The following ZNF648 variants were observed in gnomAD, a reference collection of about 807,000 sequenced individuals.
ZNF648 encodes the protein zinc finger protein 648.
ZNF648 carries 1 observed loss-of-function variant against 0.3 expected under a neutral mutation model. The observed-to-expected ratio is 3.90, with a 90% CI of 1.39 to 18.51. The LOEUF (loss-of-function observed/expected upper bound fraction) is 18.51. ZNF648 is among the 30% of genes most tolerant of loss of function. The pLI, the probability that ZNF648 is intolerant of heterozygous loss-of-function variation, is 0.11. For synonymous variants in ZNF648, 376 were observed against 326.8 expected, an observed-to-expected ratio of 1.15 and a Z score of -1.62; for missense variants, 874 against 769.7, an observed-to-expected ratio of 1.14 and a Z score of -1.60.
the ZNF648 span, chr1:182,069,162 T>A: frequency 1.3e-5 from 2 of 152,088 alleles, no homozygotes; most frequent in African/African-American, 4.8e-5. Context: ...ACATTGCCGC[T>A]GGGAGCCTGG....
Position 182,056,150 on chromosome 1 carries a change from G to A in ZNF648, c.*154C>T. The A allele has an allele frequency of 2.8e-6, 3 of 1,077,102 alleles. No individual in the cohort carries two copies. Among genetic ancestry groups the A allele is most frequent in the South Asian group, 1.7e-5 (1 of 59,548 alleles). 66.7% of individuals were successfully genotyped at this position (1,077,102 alleles called of 1,614,324 possible). The stretch of plus-strand genomic sequence containing the variant: ...CACCCACCTGGGTGCTCTCTCGGTG[G>A]TGACTTTCTGTTCAAGGGATCAAAT... On this transcript the variant is annotated 3_prime_UTR_variant, in exon 2 of 2. Coordinates refer to ENST00000339948, the MANE Select transcript of ZNF648 (RefSeq NM_001009992.1).
intron 1 of ZNF648, among the ~76,000 whole-genome samples, chr1:182,060,020 G>C (rs1004310329): frequency 6.6e-6 from 1 of 152,186 alleles, no homozygotes; most frequent in Non-Finnish European, 1.5e-5. Context: ...CTGGGGCTGG[G>C]CTCTGCCCAA....
the ZNF648 span, among the ~76,000 whole-genome samples, chr1:182,067,256 C>T: frequency 6.6e-6 from 1 of 152,218 alleles, no homozygotes; most frequent in South Asian, 2.1e-4. Flanking sequence ...CAGGCTCTGA[C>T]ATCAGGCTAC....
At chr1:182,069,593 T>C in the ZNF648 span, among the ~76,000 whole-genome samples, 18,829 of 152,066 alleles carry the variant, frequency 0.12, 1,311 homozygotes, top group East Asian at 0.28. Flanking sequence ...GTCTATTCTT[T>C]GAAAAGACCA....
chr1:182,065,125 A>T (rs1571282776), upstream of ZNF648, among the ~76,000 whole-genome samples: 1 of 152,236 alleles, frequency 6.6e-6, no homozygotes, highest in Non-Finnish European at 1.5e-5. Context: ...AGGCAGCTTA[A>T]GGGCCACAGC....
Position 182,057,539 on chromosome 1 carries a change from C to T in ZNF648, c.472G>A (p.Asp158Asn). The change falls in exon 2 of 2, where the codon GAC becomes AAC. Residue 158 changes from aspartate (D) to asparagine (N), a missense_variant. Transcript: ENST00000339948. ...GDDGYSGANQ[D>N]AVLDVPPSFP... ...CTGGGTGGGACATCCAAGACTGCGT[C>T]CTGGTTTGCCCCCGAGTATCCATCA... is the stretch of plus-strand genomic sequence containing the variant. The T allele has an allele frequency of 6.2e-7, 1 of 1,614,244 alleles. No individual in the cohort carries two copies. The highest frequency in any genetic ancestry group is 8.5e-7 in the Non-Finnish European group (1 of 1,180,048).
chr1:182,056,024 C>A lies in ZNF648; in HGVS notation c.*280G>T, dbSNP rs889228118. On this transcript the variant is annotated 3_prime_UTR_variant, in exon 2 of 2. Coordinates refer to ENST00000339948, the MANE Select transcript of ZNF648 (RefSeq NM_001009992.1). ...AGCAGTTTCTGATTGATTCAGGTTC[C>A]CCAACCCAAGGAACTCAACGTTTGA... 7 of 426,118 alleles carry A rather than the reference C, an allele frequency of 1.6e-5. No individual in the cohort carries two copies. The highest frequency in any genetic ancestry group is 4.2e-5 in the Admixed American group (1 of 24,006). 26.4% of individuals were successfully genotyped at this position (426,118 alleles called of 1,614,324 possible). A position where few individuals can be genotyped will look rare whatever the true frequency, so the allele number is the denominator to read the frequency against.
chr1:182,056,639 C>T lies in ZNF648; in HGVS notation c.1372G>A (p.Ala458Thr), dbSNP rs910726353. ...TGGCGCACGAGGCGCGAGGGCTGCG[C>T]GAAGGCCACGCCGCAGTCAGCGCAC... is the stretch of plus-strand genomic sequence containing the variant. ...FKCADCGVAF[A>T]QPSRLVRHQR... The change falls in exon 2 of 2, where the codon GCG becomes ACG. Residue 458 changes from alanine (A) to threonine (T), a missense_variant. Physicochemically the swap from Ala to Thr is moderately conservative, Grantham distance 58. Coordinates refer to ENST00000339948, the MANE Select transcript of ZNF648 (RefSeq NM_001009992.1). The T allele has an allele frequency of 1.2e-6, 2 of 1,610,428 alleles. No individual in the cohort carries two copies. Among genetic ancestry groups the T allele is most frequent in the Admixed American group, 1.7e-5 (1 of 59,514 alleles).
upstream of ZNF648, chr1:182,063,548 G>A (rs1039684201): frequency 6.6e-6 from 1 of 152,068 alleles, no homozygotes; most frequent in African/African-American, 2.4e-5. Flanking sequence ...TTTTTAATGG[G>A]GTTGTTTGTG....
At position 182,057,591 on chromosome 1, in the gene ZNF648, A is replaced by T; in HGVS notation, c.420T>A (p.Pro140=). The T allele has an allele frequency of 6.2e-7, 1 of 1,614,190 alleles. No homozygotes were observed. The change falls in exon 2 of 2, where the codon CCT becomes CCA. Residue 140 remains proline (P), a synonymous_variant. Coordinates refer to ENST00000339948, the MANE Select transcript of ZNF648 (RefSeq NM_001009992.1). The part of the protein sequence containing the change: ...LAHKLLGQMQ[P]LGDRLPAGDD... ...CACCCGCAGGTAGTCGGTCCCCAAG[A>T]GGTTGCATCTGACCTAACAATTTGT...
At chr1:182,067,960 C>T in the ZNF648 span, among the ~76,000 whole-genome samples, 14 of 152,352 alleles carry the variant, frequency 9.2e-5, no homozygotes, top group South Asian at 8.3e-4. Context: ...AGGAAGAACA[C>T]CACAAATGAG....
In ZNF648 at chr1:182,057,357, G is replaced by A. The variant is rs1665947369; in HGVS notation, c.654C>T (p.Ser218=). The A allele has an allele frequency of 6.2e-7, 1 of 1,611,526 alleles. No homozygotes were observed. Among genetic ancestry groups the A allele is most frequent in the African/African-American group, 1.3e-5 (1 of 75,068 alleles). Residue 218 remains serine (S), a synonymous_variant, in exon 2 of 2, where the codon AGC becomes AGT. Coordinates refer to ENST00000339948, the MANE Select transcript of ZNF648 (RefSeq NM_001009992.1). ...CTTTTGCCAGGACCGCGGCAGCCAG[G>A]CTGGCTGGGGTGGCCGACGCCTGGG... The part of the protein sequence containing the change: ...TPAQASATPA[S]LAAAVLAKAR...
At position 182,059,258 on chromosome 1, in the gene ZNF648, A is replaced by G. The variant is rs562277524; in HGVS notation, c.-63-1185T>C. On this transcript the variant is annotated intron_variant, in intron 1 of 1. Transcript: ENST00000339948. ...TACACATCTCCTGACTCAAGAAGCC[A>G]GATGTAGGATTTCAAACATAATGCA... Among the ~76,000 whole-genome samples, 69 of 152,360 alleles carry G rather than the reference A, an allele frequency of 4.5e-4. No homozygotes were observed. The Middle Eastern group carries it at 0.014, about 30-fold the overall frequency.
At chr1:182,062,052 T>A (rs895193785), upstream of ZNF648, among the ~76,000 whole-genome samples, 8 of 152,242 alleles carry the variant, frequency 5.3e-5, no homozygotes, top group Admixed American at 5.2e-4. Flanking sequence ...ACAGAGTATT[T>A]GGCCTATATG....
At chr1:182,068,316 C>G in the ZNF648 span, 1 of 152,178 alleles carries the variant, frequency 6.6e-6, no homozygotes, top group East Asian at 1.9e-4. Context: ...CATTTACTCA[C>G]CAAACATTTG....
Position 182,056,973 on chromosome 1 carries a change from G to A in ZNF648, c.1038C>T (p.Arg346=). Reference sequence around the variant, plus strand: ...GCTGGTGTTTGCGCAGGTCCGAAGAGCGCACGAAGGCCTTCCCGCAGTCTG... The same window carrying A: ...GCTGGTGTTTGCGCAGGTCCGAAGAACGCACGAAGGCCTTCCCGCAGTCTG... The part of the protein sequence containing the change: ...PCPDCGKAFV[R]SSDLRKHQRN... Residue 346 remains arginine, a synonymous_variant, in exon 2 of 2, where the codon CGC becomes CGT. Coordinates refer to ENST00000339948, the MANE Select transcript of ZNF648 (RefSeq NM_001009992.1). 2 of 1,613,796 alleles carry A rather than the reference G, an allele frequency of 1.2e-6. No individual in the cohort carries two copies. The highest frequency in any genetic ancestry group is 1.1e-5 in the South Asian group (1 of 91,068).
In ZNF648 at chr1:182,056,154, C is replaced by CCG; in HGVS notation, c.*149_*150insCG. The CCG allele has an allele frequency of 2.7e-6, 3 of 1,114,786 alleles. No individual in the cohort carries two copies. The highest frequency in any genetic ancestry group is 3.7e-6 in the Non-Finnish European group (3 of 808,662). 69.1% of individuals were successfully genotyped at this position (1,114,786 alleles called of 1,614,324 possible). ...CACCTGGGTGCTCTCTCGGTGGTGA[C>CCG]TTTCTGTTCAAGGGATCAAATAAAT... On this transcript the variant is annotated 3_prime_UTR_variant, in exon 2 of 2. Coordinates refer to ENST00000339948, the MANE Select transcript of ZNF648 (RefSeq NM_001009992.1).
chr1:182,056,099 G>C lies in ZNF648; in HGVS notation c.*205C>G. 1 of 633,370 alleles carries C rather than the reference G, an allele frequency of 1.6e-6. No individual in the cohort carries two copies. The highest frequency in any genetic ancestry group is 2.6e-6 in the Non-Finnish European group (1 of 377,778). 39.2% of individuals were successfully genotyped at this position (633,370 alleles called of 1,614,324 possible). A position where few individuals can be genotyped will look rare whatever the true frequency, so the allele number is the denominator to read the frequency against. ...CCTTTTCCAATTGCTTATGACCTCG[G>C]ACACTCAGAACCACTGATGTGAAAC... On this transcript the variant is annotated 3_prime_UTR_variant, in exon 2 of 2. Coordinates refer to ENST00000339948, the MANE Select transcript of ZNF648 (RefSeq NM_001009992.1).
At position 182,056,206 on chromosome 1, in the gene ZNF648, G is replaced by A. The variant is rs1665902170; in HGVS notation, c.*98C>T. On this transcript the variant is annotated 3_prime_UTR_variant, in exon 2 of 2. Transcript: ENST00000339948. ...ATCAAATGGACCACTGATGACCCGC[G>A]ACCTGCTGGGAGGCGAGGCTGACCA... is the stretch of plus-strand genomic sequence containing the variant. 36 of 1,465,800 alleles carry A rather than the reference G, an allele frequency of 2.5e-5. No homozygotes were observed. In the South Asian group the frequency reaches 3.5e-4, roughly 14 times the overall value. The allele number at this position is 1,465,800 out of a possible 1,614,324, so 90.8% of individuals were successfully genotyped here.
Sources: allele counts gnomAD v4.1 joint callset (sites outside exome capture counted in the v4.1 genomes callset), GRCh38; gene constraint gnomAD v4.1.1; transcripts MANE v1.5; gene names NCBI Gene and HGNC (gene_info 2026-07-23, HGNC 2026-07-21).